Variants in SATB2 observed in about 807,000 individuals in gnomAD.
SATB2 encodes the protein DNA-binding protein SATB2.
In SATB2, 1 loss-of-function variant was observed where a neutral mutation model predicts 73.4. That is an observed-to-expected ratio of 0.01 (90% CI 0.00 to 0.06). SATB2 has a LOEUF of 0.06. Ranked by LOEUF, SATB2 falls within the 10% of genes least tolerant of loss-of-function variation. The probability of loss-of-function intolerance (pLI) is 1.00; values close to 1 mark genes in which losing one functional copy is unlikely to be tolerated. For synonymous variants in SATB2, 397 were observed against 367.0 expected, an observed-to-expected ratio of 1.08 and a Z score of -0.93; for missense variants, 459 against 945.8, an observed-to-expected ratio of 0.49 and a Z score of 6.75.
intron 7 of SATB2, chr2:199,329,209 C>T (rs1688119238): frequency 2.4e-6 from 1 of 413,958 alleles, no homozygotes; most frequent in Non-Finnish European, 4.5e-6. Context: ...ACTGCAATTA[C>T]CACCAGGTGC....
At chr2:199,328,282 T>C (rs543967388) in intron 8 of SATB2, among the ~76,000 whole-genome samples, 9 of 152,306 alleles carry the variant, frequency 5.9e-5, no homozygotes, top group Non-Finnish European at 1.0e-4. Context: ...GGCTCACGCC[T>C]GTAATCCCAG....
chr2:199,355,873 A>G (rs1688966585), intron 6 of SATB2, among the ~76,000 whole-genome samples: 1 of 152,180 alleles, frequency 6.6e-6, no homozygotes, highest in Admixed American at 6.6e-5. Context: ...AGCAATATTA[A>G]TTACAGTATT....
chr2:199,360,752 T>C (rs1254782218), intron 6 of SATB2, among the ~76,000 whole-genome samples: 8 of 152,236 alleles, frequency 5.3e-5, no homozygotes, highest in Non-Finnish European at 1.2e-4. Flanking sequence ...ATGCTTCAGT[T>C]AGCCACGTTT....
intron 10 of SATB2, among the ~76,000 whole-genome samples, chr2:199,285,867 G>T: frequency 7.5e-6 from 1 of 134,034 alleles, no homozygotes. Flanking sequence ...ATTTCATCCA[G>T]CCTTAGTCTG....
intron 9 of SATB2, among the ~76,000 whole-genome samples, chr2:199,321,568 AC>A (rs1400281295): frequency 6.6e-6 from 1 of 151,736 alleles, no homozygotes; most frequent in Non-Finnish European, 1.5e-5. Context: ...ACATACACAC[AC>A]ATGTACACAC....
At chr2:199,355,336 G>GTATCTATA (rs1230229456) in intron 6 of SATB2, among the ~76,000 whole-genome samples, 1 of 94,036 alleles carries the variant, frequency 1.1e-5, no homozygotes, top group East Asian at 4.3e-4. Flanking sequence ...GTGTGTGTGT[G>GTATCTATA]TGTGTGTGTA....
upstream of SATB2, among the ~76,000 whole-genome samples, chr2:199,468,614 T>C (rs548388511): frequency 2.0e-4 from 30 of 152,330 alleles, 1 homozygote; most frequent in Admixed American, 5.2e-4. Flanking sequence ...AGCTCCAGTA[T>C]AGACTAAGTG....
At chr2:199,291,535 G>GT (rs1692860280) in intron 10 of SATB2, among the ~76,000 whole-genome samples, 1 of 152,146 alleles carries the variant, frequency 6.6e-6, no homozygotes, top group Non-Finnish European at 1.5e-5. Flanking sequence ...TGAGAGTACA[G>GT]TTTTTAGCTT....
At chr2:199,411,532 G>A (rs1290601500) in intron 3 of SATB2, among the ~76,000 whole-genome samples, 1 of 152,204 alleles carries the variant, frequency 6.6e-6, no homozygotes, top group Admixed American at 6.5e-5. Flanking sequence ...ACAACATTAT[G>A]AGGGTAGATG....
At chr2:199,406,912 T>C (rs372165366) in intron 3 of SATB2, among the ~76,000 whole-genome samples, 42 of 152,278 alleles carry the variant, frequency 2.8e-4, no homozygotes, top group African/African-American at 8.9e-4. Flanking sequence ...GAAATAATAG[T>C]AATAAGAGTA....
intron 3 of SATB2, among the ~76,000 whole-genome samples, chr2:199,384,472 G>A (rs1689870387): frequency 6.6e-6 from 1 of 152,234 alleles, no homozygotes; most frequent in South Asian, 2.1e-4. Flanking sequence ...CTCTTAATGA[G>A]CCTTTCCTCC....
Position 199,338,081 on chromosome 2 carries a change from C to T in SATB2, c.1174-9171G>A, listed in dbSNP as rs530888247. On this transcript the variant is annotated intron_variant, in intron 7 of 10. Transcript: ENST00000417098. Reference sequence around the variant, plus strand: ...ACTTTCACATTAAAAGTGCAAGTTTCGGCCGGATGTGGTGGCTCACGCCTA... The same window carrying T: ...ACTTTCACATTAAAAGTGCAAGTTTTGGCCGGATGTGGTGGCTCACGCCTA... Among the ~76,000 whole-genome samples the T allele has an allele frequency of 3.6e-3, 553 of 152,104 alleles. 5 individuals are homozygous for T. Among genetic ancestry groups the T allele is most frequent in the African/African-American group, 0.013 (529 of 41,494 alleles).
At chr2:199,321,483 T>C (rs977645707) in intron 9 of SATB2, among the ~76,000 whole-genome samples, 2 of 151,126 alleles carry the variant, frequency 1.3e-5, no homozygotes, top group Non-Finnish European at 3.0e-5. Context: ...TACACATACA[T>C]GTATATATGT....
chr2:199,471,255 T>C, exon 1 of SATB2: 1 of 152,488 alleles, frequency 6.6e-6, no homozygotes, highest in Non-Finnish European at 1.5e-5. Flanking sequence ...CCTTGGTAAC[T>C]TAAGCGCCTC....
At chr2:199,400,648 T>C (rs528168775) in intron 3 of SATB2, among the ~76,000 whole-genome samples, 1 of 152,300 alleles carries the variant, frequency 6.6e-6, no homozygotes, top group Admixed American at 6.5e-5. Context: ...TTGTGGCAAA[T>C]ACAGAGCTAA....
At chr2:199,375,066 G>A (rs1689559908) in intron 5 of SATB2, among the ~76,000 whole-genome samples, 7 of 152,024 alleles carry the variant, frequency 4.6e-5, no homozygotes. Context: ...CACAAGGCAG[G>A]TACTGGTACC....
chr2:199,456,749 A>G (rs1692288227), intron 1 of SATB2, among the ~76,000 whole-genome samples: 1 of 152,184 alleles, frequency 6.6e-6, no homozygotes, highest in Admixed American at 6.5e-5. Flanking sequence ...GGGCGCTACA[A>G]TCGTTATTAT....
At chr2:199,408,649 AT>A (rs1330246784) in intron 3 of SATB2, among the ~76,000 whole-genome samples, 1 of 147,346 alleles carries the variant, frequency 6.8e-6, no homozygotes, top group Non-Finnish European at 1.5e-5. Context: ...GACCAAATGT[AT>A]ACAAAGACTC....
At chr2:199,429,462 A>C (rs534979454) in intron 3 of SATB2, among the ~76,000 whole-genome samples, 6 of 152,330 alleles carry the variant, frequency 3.9e-5, no homozygotes, top group African/African-American at 1.2e-4. Context: ...GTGTTTTAGA[A>C]ACATTATTTA....
Sources: allele counts gnomAD v4.1 joint callset (sites outside exome capture counted in the v4.1 genomes callset), GRCh38; gene constraint gnomAD v4.1.1; transcripts MANE v1.5; gene names NCBI Gene and HGNC (gene_info 2026-07-23, HGNC 2026-07-21).